The following PABPC4L variants were observed in gnomAD, a reference collection of about 807,000 sequenced individuals.
PABPC4L encodes the protein polyadenylate-binding protein 4-like.
For synonymous variants in PABPC4L, 169 were observed against 164.1 expected, an observed-to-expected ratio of 1.03 and a Z score of -0.23; for missense variants, 452 against 451.4, an observed-to-expected ratio of 1.00 and a Z score of -0.01.
At chr4:134,081,913 C>T in the PABPC4L span, among the ~76,000 whole-genome samples, 16 of 152,046 alleles carry the variant, frequency 1.1e-4, no homozygotes, top group South Asian at 3.3e-3. Flanking sequence ...TGGATGCTGA[C>T]AATTGACAAC....
the PABPC4L span, among the ~76,000 whole-genome samples, chr4:134,132,102 A>G: frequency 6.6e-6 from 1 of 152,198 alleles, no homozygotes; most frequent in East Asian, 1.9e-4. Context: ...ATCTGAACCC[A>G]TAAAAATTCT....
the PABPC4L span, among the ~76,000 whole-genome samples, chr4:134,184,948 A>G: frequency 6.6e-6 from 1 of 151,980 alleles, no homozygotes. Context: ...ACAGCTGTTC[A>G]TATGCTTATT....
chr4:134,070,717 C>T, the PABPC4L span, among the ~76,000 whole-genome samples: 1 of 151,986 alleles, frequency 6.6e-6, no homozygotes, highest in Non-Finnish European at 1.5e-5. Flanking sequence ...TCACTTAGAG[C>T]TCTCCCATGG....
chr4:133,990,393 A>T, the PABPC4L span, among the ~76,000 whole-genome samples: 1 of 152,182 alleles, frequency 6.6e-6, no homozygotes, highest in African/African-American at 2.4e-5. Flanking sequence ...AATGATGCTC[A>T]TTAAGACTGT....
the PABPC4L span, among the ~76,000 whole-genome samples, chr4:134,099,736 A>G: frequency 6.6e-6 from 1 of 151,614 alleles, no homozygotes; most frequent in African/African-American, 2.4e-5. Context: ...TACTACAGGG[A>G]TGTAATCCTC....
At chr4:134,088,987 T>C in the PABPC4L span, among the ~76,000 whole-genome samples, 3 of 152,096 alleles carry the variant, frequency 2.0e-5, no homozygotes, top group East Asian at 5.8e-4. Flanking sequence ...GGTGTAATAA[T>C]GTATATAAGT....
chr4:134,137,008 T>A, the PABPC4L span, among the ~76,000 whole-genome samples: 1 of 152,052 alleles, frequency 6.6e-6, no homozygotes, highest in Non-Finnish European at 1.5e-5. Context: ...AAATGGGCTA[T>A]GCTTTTTCTT....
At chr4:134,088,095 C>A in the PABPC4L span, among the ~76,000 whole-genome samples, 1 of 152,022 alleles carries the variant, frequency 6.6e-6, no homozygotes, top group African/African-American at 2.4e-5. Context: ...TTCTGTTGCT[C>A]CTCTTACCTC....
At chr4:133,996,384 G>A in the PABPC4L span, among the ~76,000 whole-genome samples, 1 of 152,100 alleles carries the variant, frequency 6.6e-6, no homozygotes, top group Non-Finnish European at 1.5e-5. Flanking sequence ...TGGGTTATGG[G>A]AAACAATAGT....
the PABPC4L span, among the ~76,000 whole-genome samples, chr4:134,027,856 C>G: frequency 6.6e-6 from 1 of 152,024 alleles, no homozygotes. Flanking sequence ...AACTCTAGGT[C>G]CATTTGCCAA....
At chr4:134,079,691 G>A in the PABPC4L span, among the ~76,000 whole-genome samples, 716 of 151,204 alleles carry the variant, frequency 4.7e-3, 7 homozygotes, top group African/African-American at 0.016. Context: ...GTGTGTCTGT[G>A]TGTGTGAGAG....
chr4:134,070,313 G>A, the PABPC4L span, among the ~76,000 whole-genome samples: 8 of 152,070 alleles, frequency 5.3e-5, no homozygotes, highest in Admixed American at 2.6e-4. Flanking sequence ...CAGCAGCAGC[G>A]GCAGTGTGGT....
At chr4:133,967,608 G>T in the PABPC4L span, among the ~76,000 whole-genome samples, 1 of 152,168 alleles carries the variant, frequency 6.6e-6, no homozygotes, top group Non-Finnish European at 1.5e-5. Flanking sequence ...CACTGAACAA[G>T]AATTGCTAGA....
the PABPC4L span, among the ~76,000 whole-genome samples, chr4:134,054,252 G>GTATATA: frequency 1.7e-3 from 163 of 93,744 alleles, 1 homozygote; most frequent in African/African-American, 2.9e-3. Context: ...AGTTGTATAT[G>GTATATA]TATATATATA....
chr4:134,132,938 T>C, the PABPC4L span, among the ~76,000 whole-genome samples: 2 of 145,332 alleles, frequency 1.4e-5, no homozygotes, highest in Non-Finnish European at 3.0e-5. Context: ...TTATACATTA[T>C]ATAAACATTA....
the PABPC4L span, among the ~76,000 whole-genome samples, chr4:134,077,612 ATT>A: frequency 6.6e-6 from 1 of 152,046 alleles, no homozygotes; most frequent in African/African-American, 2.4e-5. Flanking sequence ...TTGTGTGCAC[ATT>A]TTCACCTCCC....
At chr4:134,073,628 C>T in the PABPC4L span, among the ~76,000 whole-genome samples, 1 of 152,220 alleles carries the variant, frequency 6.6e-6, no homozygotes, top group Non-Finnish European at 1.5e-5. Flanking sequence ...ATTTCCCTTC[C>T]ACACTGCTTT....
At chr4:133,959,648 G>A in the PABPC4L span, among the ~76,000 whole-genome samples, 1 of 152,162 alleles carries the variant, frequency 6.6e-6, no homozygotes, top group South Asian at 2.1e-4. Context: ...TGTTATAAGC[G>A]CAATGAAGAG....
chr4:134,099,478 T>A, the PABPC4L span, among the ~76,000 whole-genome samples: 1 of 151,738 alleles, frequency 6.6e-6, no homozygotes, highest in African/African-American at 2.4e-5. Flanking sequence ...AAATATCAGT[T>A]ATTTGGCCTC....
Sources: allele counts gnomAD v4.1 joint callset (sites outside exome capture counted in the v4.1 genomes callset), GRCh38; gene constraint gnomAD v4.1.1; transcripts MANE v1.5; gene names NCBI Gene and HGNC (gene_info 2026-07-23, HGNC 2026-07-21).